Variants in CYYR1 observed in about 807,000 individuals in gnomAD.
CYYR1 encodes the protein cysteine and tyrosine-rich protein 1.
Under a neutral mutation model 15.2 loss-of-function variants are expected in CYYR1, and 14 were observed. The ratio of observed to expected loss-of-function variants is 0.92; its 90% CI spans 0.61 to 1.44. The LOEUF is 1.44. Ranked by LOEUF, CYYR1 falls within the 40% of genes most tolerant of loss-of-function variation. The probability of loss-of-function intolerance (pLI) is 0.00; values close to 1 mark genes in which losing one functional copy is unlikely to be tolerated. For synonymous variants in CYYR1, 80 were observed against 77.4 expected (o/e 1.03, Z -0.18); for missense variants, 228 against 209.5 (o/e 1.09, Z -0.54).
At chr21:26,567,545 T>C (rs915017771) in intron 1 of CYYR1, among the ~76,000 whole-genome samples, 1 of 152,188 alleles carries the variant, frequency 6.6e-6, no homozygotes, top group Non-Finnish European at 1.5e-5. Flanking sequence ...CTTAGTCGTA[T>C]AAGTTATGAT....
At chr21:26,480,577 A>C (rs35004233) in intron 2 of CYYR1, 148 bp from the exon 3 acceptor site, 1 of 539,346 alleles carries the variant, frequency 1.9e-6, no homozygotes, top group South Asian at 3.4e-5. Flanking sequence ...TTTTTTTTTT[A>C]AAACCCATAA....
chr21:26,480,556 TTTTC>T (rs1247985318), intron 2 of CYYR1, 127 bp from the exon 3 acceptor site: 14 of 943,262 alleles, frequency 1.5e-5, no homozygotes, highest in Admixed American at 4.1e-5. Flanking sequence ...GTGTGTGTGT[TTTTC>T]TTTTCTTTTT....
chr21:26,512,140 T>G (rs893721824), intron 2 of CYYR1, among the ~76,000 whole-genome samples: 2 of 152,126 alleles, frequency 1.3e-5, no homozygotes, highest in Non-Finnish European at 2.9e-5. Flanking sequence ...TCAATGGATT[T>G]CCACCATGGT....
chr21:26,543,415 T>G (rs1462160537), intron 2 of CYYR1, among the ~76,000 whole-genome samples: 1 of 151,736 alleles, frequency 6.6e-6, no homozygotes, highest in East Asian at 1.9e-4. Context: ...AAAAAAAAAA[T>G]TATAGGTTGT....
At chr21:26,475,885 T>C (rs1052276334) in intron 3 of CYYR1, among the ~76,000 whole-genome samples, 2 of 152,184 alleles carry the variant, frequency 1.3e-5, no homozygotes, top group Non-Finnish European at 2.9e-5. Context: ...GAAGGCATCT[T>C]CATAGTCACA....
intron 2 of CYYR1, among the ~76,000 whole-genome samples, chr21:26,561,527 T>C (rs1980200477): frequency 6.6e-6 from 1 of 152,228 alleles, no homozygotes; most frequent in African/African-American, 2.4e-5. Context: ...ATTTATTAGC[T>C]GTCTTTGCCA....
At chr21:26,543,103 C>A (rs563900116) in intron 2 of CYYR1, among the ~76,000 whole-genome samples, 19 of 152,288 alleles carry the variant, frequency 1.2e-4, no homozygotes, top group African/African-American at 4.6e-4. Flanking sequence ...TGCATGTCTG[C>A]ATGTTCTCAC....
intron 2 of CYYR1, among the ~76,000 whole-genome samples, chr21:26,512,377 A>G (rs773616401): frequency 6.6e-6 from 1 of 151,304 alleles, no homozygotes; most frequent in African/African-American, 2.4e-5. Context: ...TTTTTTTTGT[A>G]TTTTTAGTAG....
Position 26,540,606 on chromosome 21 carries a change from G to A in CYYR1, c.176+25660C>T, listed in dbSNP as rs561044551. ...AGCCCATCTAAGGCTAAAAAGAACCGAACAAAGATTTTAGAAGTTACCCAC... is the reference window on the plus strand; with the variant it reads ...AGCCCATCTAAGGCTAAAAAGAACCAAACAAAGATTTTAGAAGTTACCCAC... On this transcript the variant is annotated intron_variant, in intron 2 of 3. Coordinates refer to ENST00000652641, the MANE Select transcript of CYYR1 (RefSeq NM_001320768.2). 4.6e-5 allele frequency among the ~76,000 whole-genome samples: 7 copies of A among 152,066 alleles called. No homozygotes were observed. In the South Asian group the frequency reaches 1.0e-3, roughly 23 times the overall value.
intron 2 of CYYR1, among the ~76,000 whole-genome samples, chr21:26,528,174 T>C (rs1200358388): frequency 6.6e-6 from 1 of 152,256 alleles, no homozygotes; most frequent in Non-Finnish European, 1.5e-5. Flanking sequence ...AATATCTTTT[T>C]TTAGTTCAAA....
Position 26,573,090 on chromosome 21 carries a change from A to AGCCCGGGCCGGGCGCG in CYYR1, c.-166_-151dup. 1 of 1,527,496 alleles carries AGCCCGGGCCGGGCGCG rather than the reference A, an allele frequency of 6.5e-7. No homozygotes were observed. The highest frequency in any genetic ancestry group is 8.8e-7 in the Non-Finnish European group (1 of 1,140,924). 94.6% of individuals were successfully genotyped at this position (1,527,496 alleles called of 1,614,324 possible). ...CATTGCCTAGGGAGCCTTCCAAGGG[A>AGCCCGGGCCGGGCGCG]GCCCGGGCCGGGCGCGTCCCGGGCC... On this transcript the variant is annotated 5_prime_UTR_variant, in exon 1 of 4. The change creates a premature stop within an existing upstream ORF in the 5' untranslated region. Transcript: ENST00000652641.
At chr21:26,528,975 C>G (rs996096536) in intron 2 of CYYR1, among the ~76,000 whole-genome samples, 1 of 152,172 alleles carries the variant, frequency 6.6e-6, no homozygotes, top group East Asian at 1.9e-4. Flanking sequence ...ATGTTTCATG[C>G]AAACACAGTC....
intron 2 of CYYR1, among the ~76,000 whole-genome samples, chr21:26,515,867 A>T (rs770558385): frequency 1.3e-4 from 20 of 152,174 alleles, no homozygotes; most frequent in Non-Finnish European, 2.2e-4. Flanking sequence ...GCTCTTTCAT[A>T]TGGGCAATTT....
chr21:26,492,819 T>C (rs2065346449), intron 2 of CYYR1, among the ~76,000 whole-genome samples: 1 of 152,046 alleles, frequency 6.6e-6, no homozygotes, highest in Non-Finnish European at 1.5e-5. Context: ...TAAGGGAGAC[T>C]AAGACTGGGA....
intron 2 of CYYR1, among the ~76,000 whole-genome samples, chr21:26,503,195 C>T (rs1449074908): frequency 1.3e-5 from 2 of 152,138 alleles, no homozygotes. Context: ...GGAGAGACTT[C>T]ATTTATGTAG....
At chr21:26,473,777 T>C (rs1019229335) in intron 3 of CYYR1, among the ~76,000 whole-genome samples, 1 of 152,142 alleles carries the variant, frequency 6.6e-6, no homozygotes, top group Non-Finnish European at 1.5e-5. Flanking sequence ...ATGAGATGGT[T>C]AACTCAGGAA....
chr21:26,545,863 T>C (rs1342063794), intron 2 of CYYR1, among the ~76,000 whole-genome samples: 2 of 152,086 alleles, frequency 1.3e-5, no homozygotes, highest in Admixed American at 1.3e-4. Context: ...GATTACAGTT[T>C]ATTCTTAATT....
intron 2 of CYYR1, among the ~76,000 whole-genome samples, chr21:26,545,467 G>C (rs899385145): frequency 6.6e-6 from 1 of 150,506 alleles, no homozygotes; most frequent in African/African-American, 2.4e-5. Flanking sequence ...TAAGCAACCT[G>C]AAAGTTTAAT....
chr21:26,526,093 T>TGTA (rs941698046), intron 2 of CYYR1, among the ~76,000 whole-genome samples: 1 of 152,094 alleles, frequency 6.6e-6, no homozygotes, highest in Non-Finnish European at 1.5e-5. Context: ...GGAAATAATC[T>TGTA]GTACAACAAA....
Sources: allele counts gnomAD v4.1 joint callset (sites outside exome capture counted in the v4.1 genomes callset), GRCh38; gene constraint gnomAD v4.1.1; transcripts MANE v1.5; gene names NCBI Gene and HGNC (gene_info 2026-07-23, HGNC 2026-07-21).